The following CNBD1 variants were observed in gnomAD, a reference collection of about 807,000 sequenced individuals.
CNBD1 encodes the protein cyclic nucleotide-binding domain-containing protein 1.
In CNBD1, 71 loss-of-function variants were observed where a neutral mutation model predicts 54.4. The ratio of observed to expected loss-of-function variants is 1.30; its 90% confidence interval spans 1.08 to 1.59. CNBD1 has a LOEUF of 1.59. CNBD1 is among the 40% of genes most tolerant of loss of function. CNBD1 has a pLI of 0.00. For synonymous variants in CNBD1, 182 were observed against 170.7 expected (o/e 1.07, Z -0.51); for missense variants, 659 against 518.0 (o/e 1.27, Z -2.64).
chr8:86,978,605 C>T lies in CNBD1; in HGVS notation c.431+38851C>T, dbSNP rs546699681. Among the ~76,000 whole-genome samples, 53 of 134,036 alleles carry T rather than the reference C, an allele frequency of 4.0e-4. 1 individual carries two copies. In the South Asian group the frequency reaches 8.8e-3, roughly 22 times the overall value. 87.9% of individuals were successfully genotyped at this position (134,036 alleles called of 152,430 possible). A position where few individuals can be genotyped will look rare whatever the true frequency, so the allele number is the denominator to read the frequency against. On this transcript the variant is annotated intron_variant, in intron 4 of 10. Transcript: ENST00000518476. ...TTGCCCAGGCTGGAGTGCAATGGCGCGATCTTGGCTCACTGCAACCTCCGC... is the reference window on the plus strand; with the variant it reads ...TTGCCCAGGCTGGAGTGCAATGGCGTGATCTTGGCTCACTGCAACCTCCGC...
chr8:87,313,142 A>G (rs1809305023), intron 8 of CNBD1, among the ~76,000 whole-genome samples: 1 of 152,072 alleles, frequency 6.6e-6, no homozygotes, highest in Non-Finnish European at 1.5e-5. Flanking sequence ...CTTCTGCTTT[A>G]GAAAGGATAA....
At chr8:87,023,227 C>T (rs535268240) in intron 4 of CNBD1, among the ~76,000 whole-genome samples, 77 of 152,200 alleles carry the variant, frequency 5.1e-4, no homozygotes, top group African/African-American at 1.7e-3. Flanking sequence ...ATGAAAAATA[C>T]ACACACATTG....
intron 4 of CNBD1, among the ~76,000 whole-genome samples, chr8:87,151,775 G>A (rs1202228157): frequency 1.3e-5 from 2 of 152,092 alleles, no homozygotes; most frequent in Admixed American, 6.5e-5. Flanking sequence ...TTGAAAGGCT[G>A]TATTATAACA....
At chr8:86,996,789 C>T (rs1563852275) in intron 4 of CNBD1, among the ~76,000 whole-genome samples, 1 of 152,152 alleles carries the variant, frequency 6.6e-6, no homozygotes. Flanking sequence ...GTACTATAGA[C>T]TGGGTTGCAG....
intron 8 of CNBD1, among the ~76,000 whole-genome samples, chr8:87,350,114 C>T (rs1810254184): frequency 6.6e-6 from 1 of 152,090 alleles, no homozygotes; most frequent in South Asian, 2.1e-4. Context: ...AAAGAAGATA[C>T]ATAGTTTCTA....
At chr8:87,249,824 C>G (rs538492895) in intron 6 of CNBD1, among the ~76,000 whole-genome samples, 99 of 152,206 alleles carry the variant, frequency 6.5e-4, no homozygotes, top group Middle Eastern at 3.4e-3. Flanking sequence ...TAGAAAGGCT[C>G]ATTATAAAAA....
intron 4 of CNBD1, among the ~76,000 whole-genome samples, chr8:87,130,613 C>T (rs943690803): frequency 6.6e-6 from 1 of 151,730 alleles, no homozygotes; most frequent in Non-Finnish European, 1.5e-5. Flanking sequence ...ACCGTCTTTA[C>T]AAAAAATACA....
At chr8:87,286,094 A>G (rs1288660276) in intron 7 of CNBD1, among the ~76,000 whole-genome samples, 1 of 152,144 alleles carries the variant, frequency 6.6e-6, no homozygotes, top group African/African-American at 2.4e-5. Flanking sequence ...TCAGTAGTGC[A>G]GGTAATTCTC....
intron 6 of CNBD1, among the ~76,000 whole-genome samples, chr8:87,274,548 T>C (rs1047632482): frequency 6.7e-6 from 1 of 148,646 alleles, no homozygotes; most frequent in Non-Finnish European, 1.5e-5. Flanking sequence ...TTCTTGTTTT[T>C]TGGCTACATA....
At chr8:87,310,058 C>G (rs778400085) in intron 8 of CNBD1, among the ~76,000 whole-genome samples, 14 of 151,994 alleles carry the variant, frequency 9.2e-5, no homozygotes, top group Non-Finnish European at 1.9e-4. Flanking sequence ...AGAACCAAAT[C>G]AAGAATGCAA....
At chr8:87,418,010 A>G (rs536253599) in intron 2 of CNBD1, among the ~76,000 whole-genome samples, 2 of 152,090 alleles carry the variant, frequency 1.3e-5, no homozygotes, top group Non-Finnish European at 2.9e-5. Flanking sequence ...CATAATTCCT[A>G]TTAAAATTCC....
At chr8:87,177,520 A>G (rs1563496876) in intron 4 of CNBD1, among the ~76,000 whole-genome samples, 1 of 152,194 alleles carries the variant, frequency 6.6e-6, no homozygotes, top group Non-Finnish European at 1.5e-5. Context: ...ACATTACTGA[A>G]CAAATCGAGC....
At chr8:87,372,647 A>T (rs546181783) in intron 10 of CNBD1, among the ~76,000 whole-genome samples, 3 of 151,956 alleles carry the variant, frequency 2.0e-5, no homozygotes, top group Admixed American at 1.3e-4. Flanking sequence ...TTGTTACATA[A>T]TACTTTATTT....
At chr8:86,948,431 T>G (rs555369063) in intron 4 of CNBD1, among the ~76,000 whole-genome samples, 1 of 152,114 alleles carries the variant, frequency 6.6e-6, no homozygotes, top group African/African-American at 2.4e-5. Flanking sequence ...TTATTGCCTA[T>G]CTTTTGGATA....
chr8:87,416,470 C>CT (rs1439555914), intron 2 of CNBD1, among the ~76,000 whole-genome samples: 1 of 151,968 alleles, frequency 6.6e-6, no homozygotes, highest in Non-Finnish European at 1.5e-5. Context: ...CTATCCAGCT[C>CT]TGGGGAAGCC....
chr8:87,231,147 G>A (rs1049723360), intron 5 of CNBD1, among the ~76,000 whole-genome samples: 3 of 151,872 alleles, frequency 2.0e-5, no homozygotes, highest in East Asian at 1.9e-4. Context: ...ACTTGTTTTT[G>A]TATTATAATG....
chr8:87,067,346 G>T (rs1199813491), intron 4 of CNBD1, among the ~76,000 whole-genome samples: 1 of 151,840 alleles, frequency 6.6e-6, no homozygotes, highest in East Asian at 1.9e-4. Context: ...TTATAATTGT[G>T]CAGTTATTAT....
chr8:87,249,141 G>A (rs918284146), intron 6 of CNBD1, among the ~76,000 whole-genome samples: 1 of 152,086 alleles, frequency 6.6e-6, no homozygotes, highest in South Asian at 2.1e-4. Context: ...CTGCTCCCCA[G>A]TACTAGCATC....
At chr8:87,230,472 A>G (rs1032374365) in intron 5 of CNBD1, among the ~76,000 whole-genome samples, 1 of 152,202 alleles carries the variant, frequency 6.6e-6, no homozygotes, top group Non-Finnish European at 1.5e-5. Context: ...ACACACACAG[A>G]GCACTCATAT....
Sources: gnomAD v4.1 joint callset for allele counts (sites outside exome capture counted in the v4.1 genomes callset) on GRCh38, gnomAD v4.1.1 for gene constraint, MANE v1.5 for transcripts, NCBI Gene and HGNC (gene_info 2026-07-23, HGNC 2026-07-21) for gene names.